Variants in RBFOX1 observed in about 807,000 individuals in gnomAD.
The protein encoded by RBFOX1 is RNA binding fox-1 homolog 1, also known as RNA binding protein fox-1 homolog 1.
RBFOX1 carries 8 observed loss-of-function variants against 57.7 expected under a neutral mutation model. The observed-to-expected ratio is 0.14, with a 90% CI of 0.08 to 0.25. RBFOX1 has a LOEUF of 0.25. Among genes scored for constraint, RBFOX1 ranks in the 10% least tolerant of loss-of-function variants. The pLI, the probability that RBFOX1 is intolerant of heterozygous loss-of-function variation, is 1.00. For missense variants in RBFOX1, 611 were observed against 548.5 expected (o/e 1.11, Z -1.14); for synonymous variants, 326 against 222.4 (o/e 1.47, Z -4.15).
chr16:7,518,532 C>A lies in RBFOX1; in HGVS notation c.270+143C>A, dbSNP rs958404448. Reference sequence around the variant, plus strand: ...AAGCCCACCCTCATCATACCAGCTTCCTGAAGTTTACCTCATTTCCATGCA... The same window carrying A: ...AAGCCCACCCTCATCATACCAGCTTACTGAAGTTTACCTCATTTCCATGCA... On this transcript the variant is annotated intron_variant, in intron 5 of 15. Coordinates refer to ENST00000550418, the MANE Select transcript of RBFOX1 (RefSeq NM_018723.4). 1.3e-5 allele frequency: 14 copies of A among 1,095,318 alleles called. 1 individual carries two copies. In the African/African-American group the frequency reaches 1.6e-4, roughly 12 times the overall value. 67.8% of individuals were successfully genotyped at this position (1,095,318 alleles called of 1,614,324 possible).
chr16:6,793,553 A>G (rs1247970633), intron 3 of RBFOX1, among the ~76,000 whole-genome samples: 1 of 152,126 alleles, frequency 6.6e-6, no homozygotes, highest in Non-Finnish European at 1.5e-5. Context: ...ACCTGCCTAC[A>G]TTTCAATTCT....
chr16:5,843,063 G>A (rs1437413789), intron 3 of RBFOX1, among the ~76,000 whole-genome samples: 5 of 152,002 alleles, frequency 3.3e-5, no homozygotes, highest in African/African-American at 9.7e-5. Flanking sequence ...TCCTGACCTC[G>A]TGATTCACCC....
At chr16:6,247,904 G>A (rs1567768257) in intron 1 of RBFOX1, among the ~76,000 whole-genome samples, 1 of 152,188 alleles carries the variant, frequency 6.6e-6, no homozygotes, top group Non-Finnish European at 1.5e-5. Context: ...CACTCTCCAA[G>A]ATGGCAGAAC....
chr16:7,047,592 G>A (rs764490301), intron 3 of RBFOX1, among the ~76,000 whole-genome samples: 9 of 145,888 alleles, frequency 6.2e-5, no homozygotes, highest in Non-Finnish European at 1.4e-4. Context: ...GTCAAATGTA[G>A]GAAGTTTTCA....
intron 2 of RBFOX1, among the ~76,000 whole-genome samples, chr16:6,435,025 G>A (rs886599659): frequency 1.3e-5 from 2 of 152,146 alleles, no homozygotes; most frequent in Non-Finnish European, 2.9e-5. Flanking sequence ...GATCAGCCCT[G>A]AGTCTAAGCT....
intron 3 of RBFOX1, among the ~76,000 whole-genome samples, chr16:6,792,356 A>T (rs1471744805): frequency 6.6e-6 from 1 of 152,170 alleles, no homozygotes; most frequent in Admixed American, 6.5e-5. Context: ...GCATTTTAGG[A>T]TTCTATAATT....
At chr16:6,649,755 A>T (rs1193645683) in intron 2 of RBFOX1, among the ~76,000 whole-genome samples, 2 of 152,164 alleles carry the variant, frequency 1.3e-5, no homozygotes, top group Non-Finnish European at 2.9e-5. Flanking sequence ...ATTTTATTAC[A>T]TATGTATATA....
chr16:7,290,245 A>G (rs2095741432), intron 4 of RBFOX1, among the ~76,000 whole-genome samples: 2 of 152,222 alleles, frequency 1.3e-5, no homozygotes, highest in South Asian at 4.1e-4. Flanking sequence ...ATTTTGATGA[A>G]CACCAATATT....
At chr16:6,132,287 C>T (rs1021520553) in intron 1 of RBFOX1, among the ~76,000 whole-genome samples, 5 of 151,254 alleles carry the variant, frequency 3.3e-5, no homozygotes, top group Middle Eastern at 3.4e-3. Context: ...TTAGGTGGAG[C>T]TCTGTGACTA....
chr16:6,908,601 C>T (rs2070719842), intron 3 of RBFOX1, among the ~76,000 whole-genome samples: 1 of 152,204 alleles, frequency 6.6e-6, no homozygotes, highest in Non-Finnish European at 1.5e-5. Context: ...TGCTGAACCC[C>T]CGTGATTTAG....
At chr16:6,687,070 T>G (rs1316584990) in intron 3 of RBFOX1, among the ~76,000 whole-genome samples, 1 of 152,232 alleles carries the variant, frequency 6.6e-6, no homozygotes, top group Non-Finnish European at 1.5e-5. Flanking sequence ...ACAGCAGGTA[T>G]CTAGTTCCTG....
At chr16:7,333,011 T>A in intron 4 of RBFOX1, 1 of 1,613,714 alleles carries the variant, frequency 6.2e-7, no homozygotes, top group Non-Finnish European at 8.5e-7. Flanking sequence ...CATGCTGGCG[T>A]CTCAAGGAGT....
chr16:6,851,088 C>T (rs28558964), intron 3 of RBFOX1, among the ~76,000 whole-genome samples: 6 of 152,154 alleles, frequency 3.9e-5, no homozygotes, highest in African/African-American at 1.4e-4. Context: ...TAGGATGAAA[C>T]TCCAGGGTGA....
intron 3 of RBFOX1, among the ~76,000 whole-genome samples, chr16:6,827,238 C>G (rs956707075): frequency 1.3e-5 from 2 of 151,052 alleles, no homozygotes; most frequent in Non-Finnish European, 2.9e-5. Flanking sequence ...ATCTCATTTT[C>G]TCCTAAAGTT....
intron 4 of RBFOX1, among the ~76,000 whole-genome samples, chr16:7,068,011 G>C (rs1479970100): frequency 6.8e-6 from 1 of 148,058 alleles, no homozygotes; most frequent in Non-Finnish European, 1.5e-5. Context: ...GCCAGCCATG[G>C]TTTCATGAAT....
At chr16:6,268,848 T>A (rs1206322202) in intron 1 of RBFOX1, among the ~76,000 whole-genome samples, 4 of 152,168 alleles carry the variant, frequency 2.6e-5, no homozygotes. Context: ...ACAAAATGCC[T>A]AAACAGAAGT....
At chr16:7,502,238 G>T (rs962673505) in intron 4 of RBFOX1, among the ~76,000 whole-genome samples, 11 of 152,128 alleles carry the variant, frequency 7.2e-5, no homozygotes, top group African/African-American at 2.7e-4. Flanking sequence ...CAAGCCAACC[G>T]ATATCTATCA....
intron 3 of RBFOX1, among the ~76,000 whole-genome samples, chr16:5,641,373 C>T (rs1439003739): frequency 6.6e-6 from 1 of 152,178 alleles, no homozygotes; most frequent in Non-Finnish European, 1.5e-5. Flanking sequence ...ACTACATACA[C>T]AAGTAGATAC....
At chr16:6,303,805 C>CTTTTTTTT (rs1177185329) in intron 1 of RBFOX1, among the ~76,000 whole-genome samples, 3 of 70,410 alleles carry the variant, frequency 4.3e-5, no homozygotes, top group Non-Finnish European at 7.4e-5. Flanking sequence ...GAAACCCTGT[C>CTTTTTTTT]TTTTTTTTTT....
Sources: allele counts gnomAD v4.1 joint callset (sites outside exome capture counted in the v4.1 genomes callset), GRCh38; gene constraint gnomAD v4.1.1; transcripts MANE v1.5; gene names NCBI Gene and HGNC (gene_info 2026-07-23, HGNC 2026-07-21).